The following RAB31 variants were observed in gnomAD, a reference collection of about 807,000 sequenced individuals.
The protein encoded by RAB31 is RAB31, member RAS oncogene family.
In RAB31, 21 loss-of-function variants were observed where a neutral mutation model predicts 25.6. The observed-to-expected ratio is 0.82, with a 90% CI of 0.58 to 1.18. The LOEUF (loss-of-function observed/expected upper bound fraction) is 1.18. Ranked by LOEUF, RAB31 falls within the 50% of genes most tolerant of loss-of-function variation. The pLI is 0.00. For missense variants in RAB31, 196 were observed against 250.1 expected (o/e 0.78, Z 1.46); for synonymous variants, 87 against 84.0 (o/e 1.04, Z -0.20).
At chr18:9,814,402 T>C (rs1338924216) in intron 4 of RAB31, among the ~76,000 whole-genome samples, 2 of 152,226 alleles carry the variant, frequency 1.3e-5, no homozygotes, top group African/African-American at 4.8e-5. Flanking sequence ...ATACTTATTT[T>C]TGTTACTGTT....
chr18:9,853,110 T>C (rs1402252221), intron 6 of RAB31, among the ~76,000 whole-genome samples: 2 of 152,218 alleles, frequency 1.3e-5, no homozygotes, highest in African/African-American at 4.8e-5. Flanking sequence ...AGGTTACTTA[T>C]ATATTTTGGA....
intron 1 of RAB31, among the ~76,000 whole-genome samples, chr18:9,772,003 T>C (rs191087194): frequency 6.6e-6 from 1 of 152,206 alleles, no homozygotes; most frequent in Non-Finnish European, 1.5e-5. Flanking sequence ...CAAGTTGGCG[T>C]TGACGCTTGA....
At position 9,861,471 on chromosome 18, in the gene RAB31, A is replaced by T. The variant is rs1316774490; in HGVS notation, c.*2146A>T. On this transcript the variant is annotated 3_prime_UTR_variant, in exon 7 of 7. Coordinates refer to ENST00000578921, the MANE Select transcript of RAB31 (RefSeq NM_006868.4). Reference sequence around the variant, plus strand: ...GGATAATATATATATTCTCATCAGCACTCAGAGTAGTCAGTGAAGAGAGTA... The same window carrying T: ...GGATAATATATATATTCTCATCAGCTCTCAGAGTAGTCAGTGAAGAGAGTA... 6.6e-6 allele frequency: 1 copy of T among 152,164 alleles called. No homozygotes were observed. The highest frequency in any genetic ancestry group is 2.4e-5 in the African/African-American group (1 of 41,426). The allele number at this position is 152,164 out of a possible 1,614,324, so 9.4% of individuals were successfully genotyped here.
chr18:9,822,619 A>G (rs996716078), intron 5 of RAB31, among the ~76,000 whole-genome samples: 1 of 152,232 alleles, frequency 6.6e-6, no homozygotes, highest in Non-Finnish European at 1.5e-5. Context: ...CAAAATTTAC[A>G]TGAAAAAATT....
chr18:9,723,370 T>C (rs1211215348), intron 1 of RAB31, among the ~76,000 whole-genome samples: 10 of 152,190 alleles, frequency 6.6e-5, no homozygotes, highest in Admixed American at 5.9e-4. Flanking sequence ...TTTATGAGCA[T>C]GTGAATAATG....
At chr18:9,818,350 A>T (rs1302806783) in intron 5 of RAB31, among the ~76,000 whole-genome samples, 4 of 152,190 alleles carry the variant, frequency 2.6e-5, no homozygotes, top group Non-Finnish European at 5.9e-5. Context: ...GAAGAACGTC[A>T]TGCCCATTTA....
intron 2 of RAB31, among the ~76,000 whole-genome samples, chr18:9,780,433 A>G (rs1420621136): frequency 6.6e-6 from 1 of 152,252 alleles, no homozygotes; most frequent in Non-Finnish European, 1.5e-5. Flanking sequence ...TTAAAAACCC[A>G]TAATCTACCT....
intron 5 of RAB31, among the ~76,000 whole-genome samples, chr18:9,823,318 G>T (rs896660166): frequency 6.6e-6 from 1 of 152,114 alleles, no homozygotes; most frequent in Non-Finnish European, 1.5e-5. Flanking sequence ...CTGTGGTGTC[G>T]GCACTGCTTG....
intron 2 of RAB31, among the ~76,000 whole-genome samples, chr18:9,790,803 A>T (rs923716723): frequency 2.6e-5 from 4 of 152,230 alleles, no homozygotes; most frequent in Non-Finnish European, 2.9e-5. Context: ...TATATAGGTG[A>T]TGTATCTACT....
chr18:9,759,368 G>C (rs761540778), intron 1 of RAB31, among the ~76,000 whole-genome samples: 2 of 151,704 alleles, frequency 1.3e-5, no homozygotes, highest in African/African-American at 4.8e-5. Flanking sequence ...ACAGTGTCTC[G>C]CTATGTTGTC....
chr18:9,850,663 A>C (rs1462608074), intron 6 of RAB31, among the ~76,000 whole-genome samples: 1 of 152,090 alleles, frequency 6.6e-6, no homozygotes, highest in East Asian at 1.9e-4. Context: ...ACCAGGTTTT[A>C]TATTTGTTGT....
intron 3 of RAB31, chr18:9,797,652 G>A (rs1330294193): frequency 6.6e-6 from 1 of 152,084 alleles, no homozygotes; most frequent in Non-Finnish European, 1.5e-5. Flanking sequence ...AAAACCATAC[G>A]GTTGAAAGTA....
intron 2 of RAB31, among the ~76,000 whole-genome samples, chr18:9,791,060 A>AG (rs1227195757): frequency 6.6e-6 from 1 of 152,202 alleles, no homozygotes; most frequent in Non-Finnish European, 1.5e-5. Flanking sequence ...CTTAGAAGGG[A>AG]GGAAAAAAAA....
At chr18:9,733,469 G>C (rs1427716844) in intron 1 of RAB31, among the ~76,000 whole-genome samples, 1 of 152,166 alleles carries the variant, frequency 6.6e-6, no homozygotes, top group East Asian at 1.9e-4. Flanking sequence ...GGCTCTTCCT[G>C]TTCCCAGAGC....
At chr18:9,802,085 T>C (rs2068516627) in intron 3 of RAB31, among the ~76,000 whole-genome samples, 1 of 152,258 alleles carries the variant, frequency 6.6e-6, no homozygotes. Flanking sequence ...TGTAGCTTTG[T>C]AGTAAGCTTT....
At chr18:9,814,163 A>G in intron 4 of RAB31, 72 bp downstream of exon 4, 2 of 1,165,264 alleles carry the variant, frequency 1.7e-6, no homozygotes, top group South Asian at 1.3e-5. Context: ...TGGAGCAGAG[A>G]CGTCACTGCT....
intron 5 of RAB31, among the ~76,000 whole-genome samples, chr18:9,819,838 T>C (rs2068616490): frequency 6.6e-6 from 1 of 152,104 alleles, no homozygotes; most frequent in Non-Finnish European, 1.5e-5. Context: ...TGAATGGGAT[T>C]GTTTTCTTAT....
intron 6 of RAB31, among the ~76,000 whole-genome samples, chr18:9,854,396 A>G (rs1169450717): frequency 6.6e-6 from 1 of 151,974 alleles, no homozygotes; most frequent in Non-Finnish European, 1.5e-5. Context: ...ACCTCCCTAG[A>G]CTTTTAACTT....
At chr18:9,765,848 T>C (rs11663730) in intron 1 of RAB31, among the ~76,000 whole-genome samples, 3,932 of 151,696 alleles carry the variant, frequency 0.026, 68 homozygotes, top group Non-Finnish European at 0.039. Flanking sequence ...AGCCAACTGA[T>C]AGAATACTTC....
Sources: allele counts gnomAD v4.1 joint callset (sites outside exome capture counted in the v4.1 genomes callset), GRCh38; gene constraint gnomAD v4.1.1; transcripts MANE v1.5; gene names NCBI Gene and HGNC (gene_info 2026-07-23, HGNC 2026-07-21).